Variants in LUC7L observed in about 807,000 individuals in gnomAD.
LUC7L encodes the protein LUC7 like.
Under a neutral mutation model 51.1 loss-of-function variants are expected in LUC7L, and 29 were observed. The ratio of observed to expected loss-of-function variants is 0.57; its 90% CI spans 0.42 to 0.77. LUC7L has a LOEUF of 0.77. Among genes scored for constraint, LUC7L ranks in the 30% least tolerant of loss-of-function variants. The pLI is 0.00. For missense variants in LUC7L, 403 were observed against 511.9 expected (o/e 0.79, Z 2.05); for synonymous variants, 181 against 180.7 (o/e 1.00, Z -0.01).
At chr16:201,245 A>T (rs1410683006) in intron 5 of LUC7L, among the ~76,000 whole-genome samples, 47 of 56,540 alleles carry the variant, frequency 8.3e-4, no homozygotes, top group African/African-American at 1.9e-3. Flanking sequence ...ACATAACTAA[A>T]AAAAAAAAAA....
intron 5 of LUC7L, among the ~76,000 whole-genome samples, chr16:202,023 C>T (rs1231848417): frequency 1.3e-5 from 2 of 152,148 alleles, no homozygotes; most frequent in African/African-American, 4.8e-5. Context: ...GGATTACAGG[C>T]ATGAGCAACC....
In LUC7L at chr16:229,414, G is replaced by A. The variant is rs1028753779; in HGVS notation, c.-75C>T. 9.0e-6 allele frequency: 12 copies of A among 1,330,924 alleles called. No individual in the cohort carries two copies. Among genetic ancestry groups the A allele is most frequent in the African/African-American group, 7.7e-5 (5 of 65,172 alleles). 82.4% of individuals were successfully genotyped at this position (1,330,924 alleles called of 1,614,324 possible). On this transcript the variant is annotated 5_prime_UTR_variant, in exon 1 of 10. Transcript: ENST00000293872. ...GGCGGTGGCAGCGGCGTCGACAAAC[G>A]ATGGTCGCGTCGGCCTCGAGCCCAC... is the stretch of plus-strand genomic sequence containing the variant.
intron 5 of LUC7L, among the ~76,000 whole-genome samples, chr16:205,792 G>A (rs2049467646): frequency 1.3e-5 from 2 of 152,250 alleles, no homozygotes; most frequent in South Asian, 4.1e-4. Context: ...GGGATTCGCT[G>A]TGTTAGCCAG....
chr16:198,030 A>C (rs935450124), intron 6 of LUC7L, among the ~76,000 whole-genome samples: 15 of 152,074 alleles, frequency 9.9e-5, no homozygotes, highest in Non-Finnish European at 2.1e-4. Context: ...GCACTTTGGG[A>C]GGCTGAGGCG....
chr16:221,321 A>T (rs1378958526), intron 2 of LUC7L, among the ~76,000 whole-genome samples: 2 of 151,052 alleles, frequency 1.3e-5, no homozygotes, highest in African/African-American at 4.9e-5. Context: ...CTGGCATTAC[A>T]GGTGTGAGCC....
intron 3 of LUC7L, among the ~76,000 whole-genome samples, chr16:210,157 C>T (rs980666156): frequency 1.3e-5 from 2 of 152,134 alleles, no homozygotes; most frequent in Non-Finnish European, 2.9e-5. Context: ...AGTGGTGGTG[C>T]ATGCCTGTAA....
intron 6 of LUC7L, among the ~76,000 whole-genome samples, chr16:194,007 G>A (rs1451159076): frequency 1.4e-4 from 21 of 151,822 alleles, no homozygotes; most frequent in Admixed American, 1.4e-3. Context: ...GTTTCACCAT[G>A]TTAGCCAGGA....
At chr16:218,180 T>C (rs2049862207) in intron 3 of LUC7L, among the ~76,000 whole-genome samples, 1 of 150,606 alleles carries the variant, frequency 6.6e-6, no homozygotes, top group Non-Finnish European at 1.5e-5. Context: ...GCAACAACAG[T>C]GACACTCCGT....
chr16:205,994 T>C lies in LUC7L; in HGVS notation c.510+10A>G. ...GATTTCTCTTGCCCTAAGGCACTTA[T>C]CTCACCAACCTCAGCTTCTTTTTTC... On this transcript the variant is annotated intron_variant, in intron 5 of 9. Coordinates refer to ENST00000293872, the MANE Select transcript of LUC7L (RefSeq NM_201412.3). 1 of 1,608,032 alleles carries C rather than the reference T, an allele frequency of 6.2e-7. No individual in the cohort carries two copies. Among genetic ancestry groups the C allele is most frequent in the Non-Finnish European group, 8.5e-7 (1 of 1,178,696 alleles).
At chr16:210,833 C>T (rs540390860) in intron 3 of LUC7L, among the ~76,000 whole-genome samples, 8 of 148,976 alleles carry the variant, frequency 5.4e-5, no homozygotes, top group South Asian at 4.3e-4. Context: ...GGGCGGATCA[C>T]GGGGTCAGGA....
At chr16:218,629 G>A (rs1197090719) in intron 3 of LUC7L, among the ~76,000 whole-genome samples, 2 of 152,024 alleles carry the variant, frequency 1.3e-5, no homozygotes, top group Admixed American at 6.6e-5. Context: ...GCTGAGGCAG[G>A]AGAATTGCTT....
intron 7 of LUC7L, 65 bp from the exon 8 acceptor site, chr16:190,635 T>C: frequency 6.8e-7 from 1 of 1,478,356 alleles, no homozygotes; most frequent in Non-Finnish European, 9.4e-7. Flanking sequence ...ATCCCAGCAC[T>C]TCGGGGAGGC....
intron 2 of LUC7L, among the ~76,000 whole-genome samples, chr16:222,912 G>A (rs1408164682): frequency 4.2e-5 from 6 of 144,408 alleles, no homozygotes; most frequent in African/African-American, 1.5e-4. Context: ...TTACGAGCGT[G>A]AGCCACCTCG....
intron 2 of LUC7L, among the ~76,000 whole-genome samples, chr16:223,993 A>T (rs1246802238): frequency 1.3e-5 from 2 of 151,968 alleles, no homozygotes; most frequent in African/African-American, 4.8e-5. Context: ...CACTCTTCTA[A>T]GTTGTGGGTG....
intron 2 of LUC7L, 97 bp downstream of exon 2, chr16:227,145 G>T: frequency 1.1e-6 from 1 of 935,720 alleles, no homozygotes; most frequent in South Asian, 1.5e-5. Flanking sequence ...GAGAAAAAGA[G>T]ACTTAAGTTA....
intron 3 of LUC7L, among the ~76,000 whole-genome samples, chr16:217,216 C>T (rs1362475220): frequency 2.0e-5 from 3 of 151,992 alleles, no homozygotes; most frequent in Non-Finnish European, 4.4e-5. Context: ...AGCGTTTCAC[C>T]ATGTTGGCCA....
chr16:197,780 T>C (rs1463202597), intron 6 of LUC7L, among the ~76,000 whole-genome samples: 1 of 152,134 alleles, frequency 6.6e-6, no homozygotes, highest in African/African-American at 2.4e-5. Flanking sequence ...CCGTGGTCAC[T>C]GCAGCATTCT....
chr16:212,927 G>A (rs758463694), intron 3 of LUC7L, among the ~76,000 whole-genome samples: 7 of 151,870 alleles, frequency 4.6e-5, no homozygotes, highest in Admixed American at 6.6e-5. Flanking sequence ...ATAGGAACAC[G>A]TCACTACACC....
chr16:229,192 G>A (rs2050209945), intron 1 of LUC7L, 87 bp downstream of exon 1: 2 of 1,498,352 alleles, frequency 1.3e-6, no homozygotes, highest in Non-Finnish European at 1.8e-6. Context: ...CGCAGGCGCA[G>A]ACGATCGCGG....
Sources: gnomAD v4.1 joint callset for allele counts (sites outside exome capture counted in the v4.1 genomes callset) on GRCh38, gnomAD v4.1.1 for gene constraint, MANE v1.5 for transcripts, NCBI Gene and HGNC (gene_info 2026-07-23, HGNC 2026-07-21) for gene names.